Variants in PLEKHM3 observed in about 807,000 individuals in gnomAD.
PLEKHM3 encodes the protein pleckstrin homology domain containing M3.
PLEKHM3 carries 45 observed loss-of-function variants against 81.8 expected under a neutral mutation model. The observed-to-expected ratio is 0.55, with a 90% CI of 0.43 to 0.71. The LOEUF (loss-of-function observed/expected upper bound fraction) is 0.71. Ranked by LOEUF, PLEKHM3 falls within the 30% of genes least tolerant of loss-of-function variation. PLEKHM3 has a pLI of 0.00. For synonymous variants in PLEKHM3, 352 were observed against 356.4 expected (o/e 0.99, Z 0.14); for missense variants, 788 against 924.3 (o/e 0.85, Z 1.91).
At chr2:207,991,905 G>A (rs1691911989) in intron 2 of PLEKHM3, among the ~76,000 whole-genome samples, 1 of 152,192 alleles carries the variant, frequency 6.6e-6, no homozygotes, top group Non-Finnish European at 1.5e-5. Context: ...GTGCTCAATA[G>A]TTATCTGTCA....
chr2:207,923,424 A>T (rs1432026673), intron 5 of PLEKHM3, among the ~76,000 whole-genome samples: 1 of 152,116 alleles, frequency 6.6e-6, no homozygotes, highest in African/African-American at 2.4e-5. Context: ...CCTGACAAAC[A>T]TGGAGAAACC....
intron 6 of PLEKHM3, among the ~76,000 whole-genome samples, chr2:207,887,847 C>T (rs1687927609): frequency 6.6e-6 from 1 of 152,094 alleles, no homozygotes; most frequent in South Asian, 2.1e-4. Flanking sequence ...AGAAGTTGGT[C>T]AAGGTTAGGG....
chr2:207,942,471 T>C (rs1268666154), intron 4 of PLEKHM3, among the ~76,000 whole-genome samples: 1 of 152,216 alleles, frequency 6.6e-6, no homozygotes, highest in African/African-American at 2.4e-5. Context: ...ATGACCGTGC[T>C]ACTGCACTCC....
rs2092363627 is a variant in PLEKHM3 at position 207,843,093 on chromosome 2, G to C, written c.2109-14597C>G. On this transcript the variant is annotated intron_variant, in intron 7 of 7. Transcript: ENST00000427836. This position sits in a 1 kb window ranked among gnomAD's most constrained non-coding sequence, Gnocchi z 4.4. ...AGCTACCAGTGTAGCTAAAGCTACG[G>C]GTGCACACCACCATAGCTGGCTCAT... Among the ~76,000 whole-genome samples the C allele has an allele frequency of 6.6e-6, 1 of 152,106 alleles. No individual in the cohort carries two copies. The highest frequency in any genetic ancestry group is 2.4e-5 in the African/African-American group (1 of 41,418).
chr2:207,985,221 C>G (rs1691676333), intron 2 of PLEKHM3, among the ~76,000 whole-genome samples: 1 of 151,478 alleles, frequency 6.6e-6, no homozygotes, highest in African/African-American at 2.4e-5. Context: ...AGTCCCCCAC[C>G]TAGATCTTCC....
At chr2:208,007,675 T>C (rs1403837307) in intron 1 of PLEKHM3, among the ~76,000 whole-genome samples, 1 of 152,146 alleles carries the variant, frequency 6.6e-6, no homozygotes, top group Non-Finnish European at 1.5e-5. Flanking sequence ...CCCAGCACTT[T>C]GGGAGGCTGA....
chr2:207,898,350 C>T (rs1429993172), intron 6 of PLEKHM3, among the ~76,000 whole-genome samples: 1 of 152,208 alleles, frequency 6.6e-6, no homozygotes, highest in East Asian at 1.9e-4. Context: ...GGTTCATCTG[C>T]ACAACCTGTC....
At chr2:207,994,888 A>G (rs1404652719) in intron 2 of PLEKHM3, among the ~76,000 whole-genome samples, 1 of 152,216 alleles carries the variant, frequency 6.6e-6, no homozygotes, top group South Asian at 2.1e-4. Flanking sequence ...ATTCCTTCTT[A>G]AGAAGACAGA....
chr2:207,892,248 G>A (rs2105873133), intron 6 of PLEKHM3, among the ~76,000 whole-genome samples: 1 of 152,272 alleles, frequency 6.6e-6, no homozygotes, highest in South Asian at 2.1e-4. Context: ...TGCAGTGCCA[G>A]TACTTTCCTG....
intron 3 of PLEKHM3, among the ~76,000 whole-genome samples, chr2:207,972,350 G>A (rs1460512224): frequency 1.3e-5 from 2 of 151,248 alleles, no homozygotes; most frequent in East Asian, 1.9e-4. Flanking sequence ...GAGGCCGGGG[G>A]GCGGGGGGGC....
At chr2:207,838,256 C>G (rs1021286826) in intron 7 of PLEKHM3, among the ~76,000 whole-genome samples, 6 of 152,136 alleles carry the variant, frequency 3.9e-5, no homozygotes, top group Admixed American at 2.0e-4. Context: ...TGCCCAGATA[C>G]CTGCTAAGAC....
Position 207,868,274 on chromosome 2 carries a change from A to T in PLEKHM3, c.1951-7012T>A, listed in dbSNP as rs930744224. Reference sequence around the variant, plus strand: ...CCTTAACTGGTCAAAGCTTATTATTATTTTTTTTTTTTAAATCTAAACATG... The same window carrying T: ...CCTTAACTGGTCAAAGCTTATTATTTTTTTTTTTTTTTAAATCTAAACATG... On this transcript the variant is annotated intron_variant, in intron 6 of 7. Coordinates refer to ENST00000427836, the MANE Select transcript of PLEKHM3 (RefSeq NM_001080475.3). Among the ~76,000 whole-genome samples, 23 of 124,618 alleles carry T rather than the reference A, an allele frequency of 1.8e-4. No homozygotes were observed. The South Asian group carries it at 3.7e-3, about 20-fold the overall frequency. The allele number at this position is 124,618 out of a possible 152,430, so 81.8% of individuals were successfully genotyped here.
At chr2:207,876,199 G>C (rs2092559059) in intron 6 of PLEKHM3, among the ~76,000 whole-genome samples, 2 of 152,172 alleles carry the variant, frequency 1.3e-5, no homozygotes, top group South Asian at 4.1e-4. Context: ...TGGGCAGCTA[G>C]GACTACAGGT....
At chr2:207,897,233 C>A (rs979483795) in intron 6 of PLEKHM3, among the ~76,000 whole-genome samples, 20 of 152,108 alleles carry the variant, frequency 1.3e-4, no homozygotes, top group Non-Finnish European at 5.9e-5. Flanking sequence ...GATTCCCCTA[C>A]GGAACATGAG....
intron 7 of PLEKHM3, chr2:207,851,740 C>CAAAAAAAAAAAAAAAAAAAAAAAA (rs10605219): frequency 3.1e-5 from 2 of 64,306 alleles, no homozygotes; most frequent in African/African-American, 1.2e-4. Context: ...AACTCCATCT[C>CAAAAAAAAAAAAAAAAAAAAAAAA]AAAAAAAAAA....
In PLEKHM3 at chr2:207,931,047, C is replaced by T. The variant is rs1194084373; in HGVS notation, c.1765G>A (p.Ala589Thr). Reference protein sequence around the residue: ...EPLIDIQQENAMLYHHAEPLA... With the variant: ...EPLIDIQQENTMLYHHAEPLA... The stretch of plus-strand genomic sequence containing the variant: ...GGCTCTGCGTGGTGGTACAGCATGG[C>T]GTTCTCCTGCTGGATGTCGATGAGC... The change falls in exon 5 of 8, where the codon GCC (alanine) becomes ACC (threonine). Residue 589 changes from alanine to threonine, a missense_variant. Transcript: ENST00000427836. 3.7e-6 allele frequency: 6 copies of T among 1,613,918 alleles called. No individual in the cohort carries two copies. In the East Asian group the frequency reaches 8.9e-5, roughly 24 times the overall value.
chr2:207,858,800 A>G (rs1287013575), intron 7 of PLEKHM3, among the ~76,000 whole-genome samples: 1 of 152,112 alleles, frequency 6.6e-6, no homozygotes, highest in Non-Finnish European at 1.5e-5. Flanking sequence ...TTTTATTGCA[A>G]TATAATTCAC....
chr2:207,911,976 A>AT (rs1201777752), intron 5 of PLEKHM3, among the ~76,000 whole-genome samples: 8 of 152,228 alleles, frequency 5.3e-5, no homozygotes, highest in African/African-American at 1.9e-4. Flanking sequence ...TTATTTACAA[A>AT]TTTACAAACC....
chr2:207,862,722 G>GTGAGTA (rs1296701030), intron 6 of PLEKHM3, among the ~76,000 whole-genome samples: 1 of 152,190 alleles, frequency 6.6e-6, no homozygotes, highest in Admixed American at 6.5e-5. Flanking sequence ...CAATGTCCAG[G>GTGAGTA]TGAGTAGGTA....
Sources: allele counts gnomAD v4.1 joint callset (sites outside exome capture counted in the v4.1 genomes callset), GRCh38; gene constraint gnomAD v4.1.1; non-coding constraint Gnocchi (gnomAD v3.1); transcripts MANE v1.5; gene names NCBI Gene and HGNC (gene_info 2026-07-23, HGNC 2026-07-21).